PRIMA1: variants seen among roughly 807,000 people sequenced by gnomAD.
The protein encoded by PRIMA1 is proline rich membrane anchor 1, also known as proline-rich membrane anchor 1.
Under a neutral mutation model 17.5 loss-of-function variants are expected in PRIMA1, and 7 were observed. The observed-to-expected ratio is 0.40, with a 90% CI of 0.23 to 0.75. The LOEUF (loss-of-function observed/expected upper bound fraction) is 0.75, where lower values mean the gene tolerates loss of function less well. Ranked by LOEUF, PRIMA1 falls within the 30% of genes least tolerant of loss-of-function variation. The pLI is 0.37. For missense variants in PRIMA1, 200 were observed against 201.8 expected, an observed-to-expected ratio of 0.99 and a Z score of 0.05; for synonymous variants, 97 against 77.9, an observed-to-expected ratio of 1.25 and a Z score of -1.29.
intron 3 of PRIMA1, among the ~76,000 whole-genome samples, chr14:93,759,638 C>T (rs1197043439): frequency 6.6e-6 from 1 of 152,072 alleles, no homozygotes; most frequent in African/African-American, 2.4e-5. Context: ...GAAAGAACAC[C>T]TATGATGAGA....
In PRIMA1 at chr14:93,759,570, C is replaced by T. The variant is rs548054644; in HGVS notation, c.229+19606G>A. On this transcript the variant is annotated intron_variant, in intron 3 of 4. Transcript: ENST00000393140. ...TGCATGCACGTGGGAGGAGTCACGTCAACTTGCAAAAAAGAGAGCATGACG... is the reference window on the plus strand; with the variant it reads ...TGCATGCACGTGGGAGGAGTCACGTTAACTTGCAAAAAAGAGAGCATGACG... Among the ~76,000 whole-genome samples, 21 of 152,024 alleles carry T rather than the reference C, an allele frequency of 1.4e-4. No individual in the cohort carries two copies. The East Asian group carries it at 3.7e-3, about 27-fold the overall frequency.
chr14:93,729,365 C>T (rs530911723), intron 4 of PRIMA1, among the ~76,000 whole-genome samples: 2 of 152,148 alleles, frequency 1.3e-5, no homozygotes, highest in African/African-American at 4.8e-5. Context: ...AGTGTTGCTA[C>T]AGGTACGCAT....
At position 93,727,057 on chromosome 14, in the gene PRIMA1, G is replaced by A. The variant is rs561099239; in HGVS notation, c.360-5511C>T. Among the ~76,000 whole-genome samples the A allele has an allele frequency of 4.6e-5, 7 of 152,298 alleles. No individual in the cohort carries two copies. The South Asian group carries it at 8.3e-4, about 18-fold the overall frequency. On this transcript the variant is annotated intron_variant, in intron 4 of 4. Transcript: ENST00000393140. The stretch of plus-strand genomic sequence containing the variant: ...CTTTCTGAGCCTCGAGGGCGTCACC[G>A]TGAGAAGCAGCAGCCCCACGTCCAG...
At chr14:93,753,992 C>T (rs559848070) in intron 3 of PRIMA1, among the ~76,000 whole-genome samples, 2 of 152,352 alleles carry the variant, frequency 1.3e-5, no homozygotes, top group African/African-American at 4.8e-5. Context: ...GCTGTGCTGT[C>T]TCTGAGCCTT....
chr14:93,738,920 A>AT (rs371342336), intron 3 of PRIMA1, among the ~76,000 whole-genome samples: 21 of 151,894 alleles, frequency 1.4e-4, no homozygotes, highest in African/African-American at 4.6e-4. Context: ...TGCAGTGTGT[A>AT]TTTTTTTTGT....
Position 93,779,237 on chromosome 14 carries a change from G to A in PRIMA1, c.168C>T (p.Pro56=), listed in dbSNP as rs200049408. The part of the protein sequence containing the change: ...DSCRHVCQCR[P]PPPLPPPPPP... ...GGGGCGGCGGGGGCAGCGGGGGAGG[G>A]GGCCGGCACTGGCAGACGTGTCGGC... is the stretch of plus-strand genomic sequence containing the variant. The change falls in exon 3 of 5, where the codon CCC becomes CCT. Residue 56 remains proline, a synonymous_variant. Transcript: ENST00000393140. 31 of 1,505,888 alleles carry A rather than the reference G, an allele frequency of 2.1e-5. No individual in the cohort carries two copies. The highest frequency in any genetic ancestry group is 2.7e-6 in the Non-Finnish European group (3 of 1,132,054). The allele number at this position is 1,505,888 out of a possible 1,614,324, so 93.3% of individuals were successfully genotyped here.
chr14:93,782,413 G>A (rs1885407446), intron 2 of PRIMA1, among the ~76,000 whole-genome samples: 1 of 152,168 alleles, frequency 6.6e-6, no homozygotes, highest in South Asian at 2.1e-4. Context: ...GAGCCCAGGG[G>A]TTCAACATCA....
chr14:93,737,719 C>T (rs2141161535), intron 3 of PRIMA1, among the ~76,000 whole-genome samples: 1 of 152,354 alleles, frequency 6.6e-6, no homozygotes, highest in African/African-American at 2.4e-5. Flanking sequence ...ATCCCTGCCC[C>T]CACCCTGCGG....
At chr14:93,767,841 T>G (rs10133582) in intron 3 of PRIMA1, among the ~76,000 whole-genome samples, 40,836 of 152,026 alleles carry the variant, frequency 0.27, 8,048 homozygotes, top group African/African-American at 0.56. Flanking sequence ...TTGGACTGCC[T>G]TGCTCACCTG....
At chr14:93,766,204 G>A (rs1341837846) in intron 3 of PRIMA1, among the ~76,000 whole-genome samples, 2 of 152,146 alleles carry the variant, frequency 1.3e-5, no homozygotes, top group African/African-American at 2.4e-5. Flanking sequence ...TCAACGAAAT[G>A]AACATGTCCT....
At chr14:93,780,608 G>A (rs933571788) in intron 2 of PRIMA1, among the ~76,000 whole-genome samples, 8 of 152,164 alleles carry the variant, frequency 5.3e-5, no homozygotes, top group African/African-American at 1.7e-4. Flanking sequence ...TCTCCCTGGT[G>A]GTTTTAAAAA....
chr14:93,737,081 G>A (rs1474557875), intron 4 of PRIMA1, among the ~76,000 whole-genome samples, 160 bp downstream of exon 4: 3 of 152,154 alleles, frequency 2.0e-5, no homozygotes, highest in East Asian at 1.9e-4. Context: ...CTGTTGAATC[G>A]GGGTGAGGGT....
intron 3 of PRIMA1, among the ~76,000 whole-genome samples, chr14:93,762,258 G>A (rs1884755524): frequency 6.6e-6 from 1 of 152,112 alleles, no homozygotes; most frequent in Non-Finnish European, 1.5e-5. Context: ...TCTCCCACCC[G>A]GCAGATGCAT....
rs1294344687 is a variant in PRIMA1, at chr14:93,726,769, C to T, written c.360-5223G>A. 6.6e-6 allele frequency among the ~76,000 whole-genome samples: 1 copy of T among 151,996 alleles called. No homozygotes were observed. Among genetic ancestry groups the T allele is most frequent in the Non-Finnish European group, 1.5e-5 (1 of 68,006 alleles). ...GGCACATACGCATAAATGTACAAAT[C>T]CACACACACAAACAATATACACATA... On this transcript the variant is annotated intron_variant, in intron 4 of 4. Coordinates refer to ENST00000393140, the MANE Select transcript of PRIMA1 (RefSeq NM_178013.4). The surrounding 1 kb of genome is among the most constrained non-coding windows in gnomAD (Gnocchi z 4.2).
Position 93,787,572 on chromosome 14 carries a change from C to T in PRIMA1, c.93+54G>A, listed in dbSNP as rs574987125. On this transcript the variant is annotated intron_variant, in intron 2 of 4. Coordinates refer to ENST00000393140, the MANE Select transcript of PRIMA1 (RefSeq NM_178013.4). ...CAGGGTCTCAGGAGGGAAGGGACAG[C>T]TCGCCCCTTACCCAGGAGGCCCTCC... is the stretch of plus-strand genomic sequence containing the variant. 233 of 1,536,246 alleles carry T rather than the reference C, an allele frequency of 1.5e-4. No homozygotes were observed. In the African/African-American group the frequency reaches 2.8e-3, roughly 19 times the overall value.
intron 3 of PRIMA1, among the ~76,000 whole-genome samples, chr14:93,738,844 A>T (rs973330848): frequency 6.6e-6 from 1 of 152,092 alleles, no homozygotes; most frequent in Non-Finnish European, 1.5e-5. Flanking sequence ...TGGGGCAACC[A>T]CTATTCTGAT....
rs1392889691 is a variant in PRIMA1, at chr14:93,718,424, T to C, written c.*3020A>G. ...AAAAGTCTCAGCAGGAAACCAACCT[T>C]AATGGCTTGTTGGTGGATAAGACGG... On this transcript the variant is annotated 3_prime_UTR_variant, in exon 5 of 5. Coordinates refer to ENST00000393140, the MANE Select transcript of PRIMA1 (RefSeq NM_178013.4). The C allele has an allele frequency of 6.6e-6, 1 of 152,488 alleles. No homozygotes were observed. The highest frequency in any genetic ancestry group is 1.9e-4 in the East Asian group (1 of 5,196). 9.4% of individuals were successfully genotyped at this position (152,488 alleles called of 1,614,324 possible).
chr14:93,776,249 A>G (rs375582601), intron 3 of PRIMA1, among the ~76,000 whole-genome samples: 1 of 152,340 alleles, frequency 6.6e-6, no homozygotes, highest in South Asian at 2.1e-4. Context: ...ACAAGCTAAC[A>G]TCTTTCTCCC....
At chr14:93,749,067 A>C (rs1408997176) in intron 3 of PRIMA1, among the ~76,000 whole-genome samples, 1 of 152,120 alleles carries the variant, frequency 6.6e-6, no homozygotes, top group East Asian at 1.9e-4. Flanking sequence ...TAGACTCCTT[A>C]AGGCAAGGCC....
Sources: gnomAD v4.1 joint callset for allele counts (sites outside exome capture counted in the v4.1 genomes callset) on GRCh38, gnomAD v4.1.1 for gene constraint, Gnocchi (gnomAD v3.1) non-coding constraint, MANE v1.5 for transcripts, NCBI Gene and HGNC (gene_info 2026-07-23, HGNC 2026-07-21) for gene names.